Variants in PAPPA2 observed in about 807,000 individuals in gnomAD.
PAPPA2 encodes the protein pappalysin 2, also known as pappalysin-2.
A neutral mutation model predicts 176.4 loss-of-function variants in PAPPA2; 86 were observed. The ratio of observed to expected loss-of-function variants is 0.49; its 90% CI spans 0.41 to 0.58. The LOEUF (loss-of-function observed/expected upper bound fraction) is 0.58. PAPPA2 is among the 20% of genes least tolerant of loss of function. PAPPA2 has a pLI of 0.00. For missense variants in PAPPA2, 2,073 were observed against 2,256.9 expected (o/e 0.92, Z 1.65); for synonymous variants, 809 against 852.2 (o/e 0.95, Z 0.88).
At chr1:176,510,053 C>T (rs1558408814) in intron 1 of PAPPA2, among the ~76,000 whole-genome samples, 1 of 151,662 alleles carries the variant, frequency 6.6e-6, no homozygotes, top group Non-Finnish European at 1.5e-5. Context: ...GACAAATAAA[C>T]CCCAAAAACA....
At chr1:176,610,232 T>G (rs371234653) in intron 3 of PAPPA2, among the ~76,000 whole-genome samples, 213 of 151,778 alleles carry the variant, frequency 1.4e-3, no homozygotes, top group Non-Finnish European at 2.0e-3. Context: ...CCTAGGAATG[T>G]CTATGTCTCC....
Position 176,845,156 on chromosome 1 carries a change from G to A in PAPPA2, c.*2702G>A, listed in dbSNP as rs1023776720. On this transcript the variant is annotated 3_prime_UTR_variant, in exon 23 of 23. Transcript: ENST00000367662. ...ACATCAACTCACACTCAATCCATGT[G>A]GTGGTCCACATTCTGCTACTCTTAT... is the stretch of plus-strand genomic sequence containing the variant. 1 of 152,178 alleles carries A rather than the reference G, an allele frequency of 6.6e-6. No individual in the cohort carries two copies. The highest frequency in any genetic ancestry group is 6.6e-5 in the Admixed American group (1 of 15,264). 9.4% of individuals were successfully genotyped at this position (152,178 alleles called of 1,614,324 possible).
chr1:176,574,427 T>C (rs1011506188), intron 2 of PAPPA2, among the ~76,000 whole-genome samples: 2 of 152,202 alleles, frequency 1.3e-5, no homozygotes, highest in African/African-American at 2.4e-5. Flanking sequence ...ATCTAGTAAT[T>C]GAGCTAGTTG....
chr1:176,578,166 ACT>A (rs1652761758), intron 2 of PAPPA2, among the ~76,000 whole-genome samples: 3 of 152,164 alleles, frequency 2.0e-5, no homozygotes, highest in South Asian at 2.1e-4. Flanking sequence ...CCTCTGTGAG[ACT>A]CTGCCATGGA....
At chr1:176,607,886 A>T (rs954751052) in intron 3 of PAPPA2, among the ~76,000 whole-genome samples, 26 of 152,144 alleles carry the variant, frequency 1.7e-4, no homozygotes, top group African/African-American at 5.8e-4. Context: ...GCCGTTTTTA[A>T]TTTATTTTTG....
chr1:176,805,502 C>T (rs1665862651), intron 21 of PAPPA2, among the ~76,000 whole-genome samples: 1 of 152,286 alleles, frequency 6.6e-6, no homozygotes, highest in South Asian at 2.1e-4. Context: ...CAAATTCTGA[C>T]TCTACCCTTC....
chr1:176,789,865 T>C lies in PAPPA2; in HGVS notation c.4772T>C (p.Ile1591Thr), dbSNP rs777731610. ...GGAATCTGGGAGCAAGGCAGCTGCA[T>C]TCCTGTGGTGTGTGAGCCACCCCCT... ...EGGIWEQGSCIPVVCEPPPPV... is the reference protein window; with the variant it reads ...EGGIWEQGSCTPVVCEPPPPV... The change falls in exon 18 of 23, where the codon ATT becomes ACT. Residue 1591 changes from isoleucine to threonine, a missense_variant. Physicochemically the swap from Ile to Thr is moderately conservative, Grantham distance 89. This residue lies in a region of PAPPA2 where 846 missense variants were observed against 857.9 expected (regional missense o/e 0.99). Coordinates refer to ENST00000367662, the MANE Select transcript of PAPPA2 (RefSeq NM_020318.3). 3.1e-6 allele frequency: 5 copies of C among 1,614,006 alleles called. No homozygotes were observed. The African/African-American group carries it at 5.3e-5, about 17-fold the overall frequency.
chr1:176,693,567 G>A (rs1043227467), intron 6 of PAPPA2, among the ~76,000 whole-genome samples: 5 of 152,236 alleles, frequency 3.3e-5, no homozygotes, highest in Non-Finnish European at 7.3e-5. Context: ...CCTAGGGAGA[G>A]AGGCAAGAGA....
chr1:176,528,223 C>T (rs1312688412), intron 1 of PAPPA2, among the ~76,000 whole-genome samples: 4 of 152,184 alleles, frequency 2.6e-5, no homozygotes, highest in African/African-American at 9.7e-5. Flanking sequence ...CCAAGATAGA[C>T]TGAAGAGCAG....
At chr1:176,495,433 G>A (rs1647551281) in intron 1 of PAPPA2, among the ~76,000 whole-genome samples, 4 of 151,658 alleles carry the variant, frequency 2.6e-5, no homozygotes, top group Non-Finnish European at 5.9e-5. Context: ...CCAGCTACTC[G>A]GGAGGCTGAG....
Position 176,595,198 on chromosome 1 carries a change from A to T in PAPPA2, c.1594A>T (p.Ile532Phe). The T allele has an allele frequency of 6.2e-7, 1 of 1,614,204 alleles. No homozygotes were observed. The highest frequency in any genetic ancestry group is 8.5e-7 in the Non-Finnish European group (1 of 1,180,034). Residue 532 changes from isoleucine to phenylalanine, a missense_variant, in exon 3 of 23, where the codon ATC becomes TTC. Physicochemically the swap from Ile to Phe is conservative, Grantham distance 21. Coordinates refer to ENST00000367662, the MANE Select transcript of PAPPA2 (RefSeq NM_020318.3). ...GGTGATACGCTACCAGGTGGTGAAC[A>T]TCTGTGATGATGAGGGCCTAAACCC... ...EKVIRYQVVN[I>F]CDDEGLNPIV... is the part of the protein sequence containing the mutation.
intron 2 of PAPPA2, among the ~76,000 whole-genome samples, chr1:176,589,804 C>T (rs746015459): frequency 6.6e-6 from 1 of 152,124 alleles, no homozygotes; most frequent in Non-Finnish European, 1.5e-5. Context: ...AGAGTTTCAC[C>T]AAGTATATTG....
intron 1 of PAPPA2, among the ~76,000 whole-genome samples, chr1:176,499,065 A>G (rs1883579): frequency 0.38 from 57,560 of 151,906 alleles, 13,013 homozygotes; most frequent in African/African-American, 0.62. Flanking sequence ...CCTACCTAGC[A>G]TATTGGGTGA....
At chr1:176,671,841 C>CAT (rs1297986334) in intron 4 of PAPPA2, among the ~76,000 whole-genome samples, 3 of 141,154 alleles carry the variant, frequency 2.1e-5, no homozygotes, top group African/African-American at 5.3e-5. Flanking sequence ...TCTTCTCACT[C>CAT]ATAGGTGGGA....
intron 3 of PAPPA2, among the ~76,000 whole-genome samples, chr1:176,635,421 C>G (rs1656638371): frequency 6.6e-6 from 1 of 152,188 alleles, no homozygotes; most frequent in African/African-American, 2.4e-5. Flanking sequence ...TATCTACCCT[C>G]AAACATTCAG....
intron 2 of PAPPA2, among the ~76,000 whole-genome samples, chr1:176,591,415 T>C (rs745924730): frequency 1.3e-5 from 2 of 152,186 alleles, no homozygotes; most frequent in African/African-American, 2.4e-5. Flanking sequence ...TTAATGACTT[T>C]AGGGAGAATT....
intron 12 of PAPPA2, among the ~76,000 whole-genome samples, chr1:176,713,158 C>CT (rs879717582): frequency 7.0e-4 from 100 of 143,084 alleles, no homozygotes; most frequent in South Asian, 1.1e-3. Context: ...AATTCAAGTT[C>CT]TTTTTTTTTT....
At chr1:176,772,944 G>T (rs567351128) in intron 17 of PAPPA2, among the ~76,000 whole-genome samples, 1 of 152,130 alleles carries the variant, frequency 6.6e-6, no homozygotes, top group African/African-American at 2.4e-5. Context: ...ATGACCAGGG[G>T]GCCAGAGAAA....
chr1:176,676,005 A>T (rs1490383193), intron 4 of PAPPA2, among the ~76,000 whole-genome samples: 1 of 152,094 alleles, frequency 6.6e-6, no homozygotes, highest in Non-Finnish European at 1.5e-5. Context: ...ATCATTAGAG[A>T]AGTGCAAATG....
Sources: allele counts gnomAD v4.1 joint callset (sites outside exome capture counted in the v4.1 genomes callset), GRCh38; gene constraint gnomAD v4.1.1; regional missense constraint gnomAD v4.1.1; transcripts MANE v1.5; gene names NCBI Gene and HGNC (gene_info 2026-07-23, HGNC 2026-07-21).